The following GIP variants were observed in gnomAD, a reference collection of about 807,000 sequenced individuals.
The protein encoded by GIP is glucose-dependent insulinotropic polypeptide.
GIP carries 16 observed loss-of-function variants against 18.1 expected under a neutral mutation model. The ratio of observed to expected loss-of-function variants is 0.88; its 90% CI spans 0.60 to 1.34. The LOEUF is 1.34. Among genes scored for constraint, GIP ranks in the 40% most tolerant of loss-of-function variants. The pLI, the probability that GIP is intolerant of heterozygous loss-of-function variation, is 0.00. For synonymous variants in GIP, 76 were observed against 74.0 expected (o/e 1.03, Z -0.14); for missense variants, 192 against 183.4 (o/e 1.05, Z -0.27).
At chr17:48,967,074 CT>C in intron 2 of GIP, 72 bp downstream of exon 2, 1 of 1,163,926 alleles carries the variant, frequency 8.6e-7, no homozygotes, top group East Asian at 2.3e-5. Flanking sequence ...TCATCTCCCC[CT>C]AGAAACAAAT....
intron 2 of GIP, among the ~76,000 whole-genome samples, chr17:48,966,505 C>T (rs906111393): frequency 4.0e-5 from 6 of 150,844 alleles, no homozygotes; most frequent in African/African-American, 9.8e-5. Flanking sequence ...TGTAGTGAGC[C>T]GAGATTGTGC....
chr17:48,968,038 C>A (rs967393938), intron 1 of GIP, among the ~76,000 whole-genome samples: 1 of 151,842 alleles, frequency 6.6e-6, no homozygotes, highest in Non-Finnish European at 1.5e-5. Context: ...GGTGACAGAG[C>A]GAGACTCCAT....
At chr17:48,960,794 A>C in intron 5 of GIP, 92 bp downstream of exon 5, 1 of 768,418 alleles carries the variant, frequency 1.3e-6, no homozygotes, top group Non-Finnish European at 2.3e-6. Context: ...AAGGCTATGT[A>C]ATCAGCCAGC....
chr17:48,961,787 C>T lies in GIP; in HGVS notation c.290G>A (p.Arg97Gln), dbSNP rs763570653. The T allele has an allele frequency of 1.2e-5, 19 of 1,612,854 alleles. No individual in the cohort carries two copies. The highest frequency in any genetic ancestry group is 4.0e-5 in the African/African-American group (3 of 74,908). The stretch of plus-strand genomic sequence containing the variant: ...AGCTTGACTGGCCAGCTCCAGCGCC[C>T]GAGCCTCCCTCTGGGTGATGTTGTG... ...WKHNITQREA[R>Q]ALELASQANR... Residue 97 changes from arginine (R) to glutamine (Q), a missense_variant, in exon 4 of 6, where the codon CGG becomes CAG. Arg to Gln is a conservative substitution (Grantham distance 43). Coordinates refer to ENST00000357424, the MANE Select transcript of GIP (RefSeq NM_004123.3).
At chr17:48,965,304 TAAAAAA>T (rs35687818) in intron 2 of GIP, among the ~76,000 whole-genome samples, 1 of 111,186 alleles carries the variant, frequency 9.0e-6, no homozygotes. Context: ...TTCGTCTCAA[TAAAAAA>T]AAAAAAAAAA....
chr17:48,963,546 G>T (rs1386496512), intron 3 of GIP, among the ~76,000 whole-genome samples: 1 of 151,652 alleles, frequency 6.6e-6, no homozygotes, highest in Non-Finnish European at 1.5e-5. Context: ...TGTAGTCCCA[G>T]CTACTCAGGA....
intron 3 of GIP, among the ~76,000 whole-genome samples, chr17:48,963,156 C>G (rs1254838762): frequency 6.6e-6 from 1 of 152,024 alleles, no homozygotes; most frequent in East Asian, 1.9e-4. Flanking sequence ...GTCCCTACCC[C>G]TAGCCTAGAC....
intron 2 of GIP, among the ~76,000 whole-genome samples, chr17:48,966,608 A>G (rs528544673): frequency 2.0e-5 from 3 of 151,914 alleles, no homozygotes; most frequent in Non-Finnish European, 4.4e-5. Context: ...GAATGCATTC[A>G]TAAGCCTGGG....
chr17:48,961,656 G>C (rs942480764), intron 4 of GIP, 71 bp downstream of exon 4: 23 of 935,274 alleles, frequency 2.5e-5, no homozygotes, highest in Non-Finnish European at 3.8e-5. Context: ...TGGGGTCAGG[G>C]AGAGGGAACA....
chr17:48,967,629 A>G (rs1309445196), intron 1 of GIP, among the ~76,000 whole-genome samples: 4 of 150,064 alleles, frequency 2.7e-5, no homozygotes, highest in African/African-American at 4.9e-5. Flanking sequence ...AAGTGCTGGG[A>G]TAACAGGCGT....
At chr17:48,958,932 G>A (rs67763067) in intron 5 of GIP, among the ~76,000 whole-genome samples, 41,183 of 148,880 alleles carry the variant, frequency 0.28, 5,923 homozygotes, top group Admixed American at 0.41. Context: ...TCGGCTCACC[G>A]CAAGCTCCAC....
chr17:48,961,910 A>C (rs934173647), intron 3 of GIP, 91 bp from the exon 4 acceptor site: 1 of 892,792 alleles, frequency 1.1e-6, no homozygotes, highest in African/African-American at 1.6e-5. Flanking sequence ...CCAAAAGCAG[A>C]GGGTACCTTT....
chr17:48,965,134 G>T (rs9747749), intron 2 of GIP, among the ~76,000 whole-genome samples: 1 of 94,756 alleles, frequency 1.1e-5, no homozygotes. Flanking sequence ...GCGAGACTCC[G>T]TCTCAAAAAA....
chr17:48,965,185 C>T (rs1316476837), intron 2 of GIP, among the ~76,000 whole-genome samples: 2 of 149,056 alleles, frequency 1.3e-5, no homozygotes, highest in Non-Finnish European at 1.5e-5. Flanking sequence ...CCTGTAATCC[C>T]AGCTACTCAG....
chr17:48,962,591 G>A (rs974298397), intron 3 of GIP, among the ~76,000 whole-genome samples: 4 of 149,908 alleles, frequency 2.7e-5, no homozygotes, highest in African/African-American at 9.8e-5. Context: ...AGGGCCTCAA[G>A]CTCCTGACCT....
chr17:48,958,825 CT>C, intron 5 of GIP, 109 bp from the exon 6 acceptor site: 2 of 676,924 alleles, frequency 3.0e-6, no homozygotes, highest in Non-Finnish European at 5.0e-6. Flanking sequence ...TTCAAATCAC[CT>C]TTTTAAATAT....
chr17:48,965,367 G>A (rs555422853), intron 2 of GIP, among the ~76,000 whole-genome samples: 1 of 149,862 alleles, frequency 6.7e-6, no homozygotes, highest in East Asian at 2.0e-4. Context: ...CACTCTGGGA[G>A]GCCAAGGTGG....
At chr17:48,961,871 G>T in intron 3 of GIP, 52 bp from the exon 4 acceptor site, 1 of 1,285,900 alleles carries the variant, frequency 7.8e-7, no homozygotes, top group Non-Finnish European at 1.1e-6. Context: ...TCCAGTCTAG[G>T]GACACTTGAA....
At chr17:48,963,497 A>G (rs2041212274) in intron 3 of GIP, among the ~76,000 whole-genome samples, 1 of 151,086 alleles carries the variant, frequency 6.6e-6, no homozygotes, top group African/African-American at 2.4e-5. Context: ...CTCTACTGAA[A>G]AAAAAAAAAA....
Sources: allele counts gnomAD v4.1 joint callset (sites outside exome capture counted in the v4.1 genomes callset), GRCh38; gene constraint gnomAD v4.1.1; transcripts MANE v1.5; gene names NCBI Gene and HGNC (gene_info 2026-07-23, HGNC 2026-07-21).